NINL: variants seen among roughly 807,000 people sequenced by gnomAD.
NINL encodes ninein like.
In NINL, 153 loss-of-function variants were observed where a neutral mutation model predicts 160.3. That is an observed-to-expected ratio of 0.95 (90% CI 0.84 to 1.09). The LOEUF is 1.09. Among genes scored for constraint, NINL ranks in the 50% least tolerant of loss-of-function variants. NINL has a pLI of 0.00. For missense variants in NINL, 1,829 were observed against 1,764.0 expected, an observed-to-expected ratio of 1.04 and a Z score of -0.66; for synonymous variants, 800 against 734.8, an observed-to-expected ratio of 1.09 and a Z score of -1.43.
intron 1 of NINL, among the ~76,000 whole-genome samples, chr20:25,580,237 G>C (rs1342261495): frequency 6.6e-6 from 1 of 151,912 alleles, no homozygotes; most frequent in Admixed American, 6.6e-5. Context: ...AGGAGGCTAA[G>C]ACAGGAGAAT....
chr20:25,532,680 C>A (rs2064485896), intron 1 of NINL, among the ~76,000 whole-genome samples: 1 of 152,246 alleles, frequency 6.6e-6, no homozygotes, highest in South Asian at 2.1e-4. Context: ...ATTGGTGAGT[C>A]AGGTGCGGGC....
In NINL at chr20:25,477,139, T is replaced by C. The variant is rs565827137; in HGVS notation, c.2202-50A>G. ...CCACAGCCCTGCCGCCCCCAGCCCC[T>C]CTCTCGGGTTTGAAGTCTGCCCAGC... On this transcript the variant is annotated intron_variant, in intron 16 of 23. Coordinates refer to ENST00000278886, the MANE Select transcript of NINL (RefSeq NM_025176.6). The C allele has an allele frequency of 1.2e-5, 18 of 1,460,018 alleles. 1 individual carries two copies. The South Asian group carries it at 2.1e-4, about 17-fold the overall frequency. 90.4% of individuals were successfully genotyped at this position (1,460,018 alleles called of 1,614,324 possible).
intron 17 of NINL, among the ~76,000 whole-genome samples, chr20:25,473,694 ACACACACACACACACACACACAC>A (rs1344840015): frequency 1.9e-5 from 1 of 51,704 alleles, no homozygotes; most frequent in Non-Finnish European, 4.7e-5. Context: ...ACACACACAC[ACACACACACACACACACACACAC>A]ATCAGCTGGG....
intron 18 of NINL, among the ~76,000 whole-genome samples, chr20:25,468,781 T>C (rs58238985): frequency 0.051 from 1,560 of 30,698 alleles, 49 homozygotes; most frequent in African/African-American, 0.15. Context: ...GGGCGCCCGC[T>C]TGCCCTGTCC....
chr20:25,560,436 A>G (rs2064920820), intron 1 of NINL, among the ~76,000 whole-genome samples: 1 of 152,212 alleles, frequency 6.6e-6, no homozygotes. Context: ...AAACTGGCTA[A>G]GGTCAGTAGG....
At chr20:25,479,737 G>A (rs1890371001) in intron 15 of NINL, among the ~76,000 whole-genome samples, 1 of 152,198 alleles carries the variant, frequency 6.6e-6, no homozygotes, top group African/African-American at 2.4e-5. Flanking sequence ...AACAGAACAG[G>A]GCTAAGTTCA....
chr20:25,564,587 G>A (rs1488745222), intron 1 of NINL, among the ~76,000 whole-genome samples: 1 of 151,878 alleles, frequency 6.6e-6, no homozygotes, highest in African/African-American at 2.4e-5. Context: ...CAAAGTGTAG[G>A]GATTACAAGC....
At chr20:25,565,176 C>T (rs957991018) in intron 1 of NINL, among the ~76,000 whole-genome samples, 1 of 152,102 alleles carries the variant, frequency 6.6e-6, no homozygotes, top group Admixed American at 6.6e-5. Flanking sequence ...AAAAAATAAC[C>T]ATTTTGAAAT....
rs379538 is a variant in NINL at position 25,500,986 on chromosome 20, T to C, written c.886A>G (p.Thr296Ala). The C allele has an allele frequency of 6.3e-3, 10,153 of 1,613,716 alleles. 384 individuals carry two copies. In the African/African-American group the frequency reaches 0.091, roughly 14 times the overall value. ...GACACGAGGGATGAGGTTGTGGTGG[T>C]GTGGCAGCCGCTCTCCTCTGGGACC... ...YQVPEESGCH[T>A]TTTSSLVSLC... Residue 296 changes from threonine to alanine, a missense_variant, in exon 8 of 24, where the codon ACC (threonine) becomes GCC (alanine). Physicochemically the swap from Thr to Ala is moderately conservative, Grantham distance 58 (BLOSUM62 0). Coordinates refer to ENST00000278886, the MANE Select transcript of NINL (RefSeq NM_025176.6).
chr20:25,535,594 C>T (rs1447921837), intron 1 of NINL, among the ~76,000 whole-genome samples: 1 of 151,850 alleles, frequency 6.6e-6, no homozygotes, highest in Non-Finnish European at 1.5e-5. Flanking sequence ...CAAAACTAAG[C>T]GAATCTAGTT....
Position 25,491,467 on chromosome 20 carries a change from C to T in NINL, c.1369G>A (p.Glu457Lys). The T allele has an allele frequency of 6.2e-7, 1 of 1,614,076 alleles. No individual in the cohort carries two copies. The highest frequency in any genetic ancestry group is 1.7e-5 in the Admixed American group (1 of 60,024). Residue 457 changes from glutamate (E) to lysine (K), a missense_variant, in exon 11 of 24, where the codon GAG (glutamate) becomes AAG (lysine). Coordinates refer to ENST00000278886, the MANE Select transcript of NINL (RefSeq NM_025176.6). The stretch of plus-strand genomic sequence containing the variant: ...GCCTGCTCCCAGAACAGCTCTCGCT[C>T]CGCCTCCACCTCAGACCGCAGGAGG... ...LSLLRSEVEAERELFWEQAHR... is the reference protein window; with the variant it reads ...LSLLRSEVEAKRELFWEQAHR...
chr20:25,453,425 A>G lies in NINL; in HGVS notation c.*26T>C. ...GCTTAATTTAAAAGATGTGCTTTCG[A>G]ATGAATCCTAGAAAATAATCTGTCT... On this transcript the variant is annotated 3_prime_UTR_variant, in exon 24 of 24. Transcript: ENST00000278886. 2 of 1,565,940 alleles carry G rather than the reference A, an allele frequency of 1.3e-6. No individual in the cohort carries two copies. The highest frequency in any genetic ancestry group is 1.7e-6 in the Non-Finnish European group (2 of 1,152,862).
At chr20:25,473,474 TATAA>T in intron 17 of NINL, among the ~76,000 whole-genome samples, 1 of 121,950 alleles carries the variant, frequency 8.2e-6, no homozygotes, top group Non-Finnish European at 1.8e-5. Context: ...TAAAATAAAA[TATAA>T]AATAAAATAA....
chr20:25,482,177 G>C (rs2063404442), intron 13 of NINL, 77 bp from the exon 14 acceptor site: 1 of 1,515,612 alleles, frequency 6.6e-7, no homozygotes, highest in Non-Finnish European at 8.9e-7. Context: ...CTGGCCTCCA[G>C]GGGGGTCCCT....
At chr20:25,471,317 A>G (rs986044994) in intron 17 of NINL, among the ~76,000 whole-genome samples, 2 of 152,238 alleles carry the variant, frequency 1.3e-5, no homozygotes, top group African/African-American at 2.4e-5. Context: ...AATAGTAAAC[A>G]TAAGTATCTT....
chr20:25,465,619 T>C (rs2062894475), intron 19 of NINL, among the ~76,000 whole-genome samples: 1 of 152,046 alleles, frequency 6.6e-6, no homozygotes, highest in East Asian at 1.9e-4. Flanking sequence ...TCACCCCAAC[T>C]GTCCAGCCTT....
At chr20:25,535,333 A>G (rs1395108748) in intron 1 of NINL, among the ~76,000 whole-genome samples, 1 of 152,210 alleles carries the variant, frequency 6.6e-6, no homozygotes, top group Non-Finnish European at 1.5e-5. Flanking sequence ...CTGGCGATCT[A>G]CTGTACAACG....
chr20:25,555,832 G>A lies in NINL; in HGVS notation c.-11-29234C>T, dbSNP rs148922008. 3.7e-3 allele frequency among the ~76,000 whole-genome samples: 566 copies of A among 152,268 alleles called. 5 individuals are homozygous for A. The highest frequency in any genetic ancestry group is 0.012 in the African/African-American group (516 of 41,554). On this transcript the variant is annotated intron_variant, in intron 1 of 23. Transcript: ENST00000278886. ...TAGGATTACAGGCATGCACCACCAC[G>A]CTTGGGTAATTTTTGTATTTTTAGT...
chr20:25,575,510 T>C (rs921413122), intron 1 of NINL, among the ~76,000 whole-genome samples: 1 of 149,510 alleles, frequency 6.7e-6, no homozygotes, highest in Admixed American at 6.7e-5. Flanking sequence ...CCCAGCACTT[T>C]GGGAGGGCAA....
Sources: allele counts gnomAD v4.1 joint callset (sites outside exome capture counted in the v4.1 genomes callset), GRCh38; gene constraint gnomAD v4.1.1; transcripts MANE v1.5; gene names NCBI Gene and HGNC (gene_info 2026-07-23, HGNC 2026-07-21).